KCND3: variants seen among roughly 807,000 people sequenced by gnomAD.
KCND3 encodes the protein potassium voltage-gated channel subfamily D member 3.
In KCND3, 9 loss-of-function variants were observed where a neutral mutation model predicts 51.1. That is an observed-to-expected ratio of 0.18 (90% CI 0.11 to 0.31). KCND3 has a LOEUF of 0.31. Among genes scored for constraint, KCND3 ranks in the 10% least tolerant of loss-of-function variants. The pLI is 1.00. For missense variants in KCND3, 526 were observed against 903.8 expected (o/e 0.58, Z 5.36); for synonymous variants, 349 against 368.0 (o/e 0.95, Z 0.59).
Position 111,833,954 on chromosome 1 carries a change from G to A in KCND3, c.1107-46848C>T, listed in dbSNP as rs180881286. Among the ~76,000 whole-genome samples the A allele has an allele frequency of 1.3e-3, 205 of 152,318 alleles. 1 individual carries two copies. Among genetic ancestry groups the A allele is most frequent in the African/African-American group, 4.8e-3 (201 of 41,572 alleles). ...GGACTGTCCAGGGCCTGGATTCAGG[G>A]CCCAGGGCACACAGGCCAGGAGTAG... On this transcript the variant is annotated intron_variant, in intron 2 of 7. Coordinates refer to ENST00000302127, the MANE Select transcript of KCND3 (RefSeq NM_001378969.1).
At chr1:111,970,162 G>A (rs1234805237) in intron 2 of KCND3, among the ~76,000 whole-genome samples, 18 of 152,080 alleles carry the variant, frequency 1.2e-4, no homozygotes, top group South Asian at 6.2e-4. Flanking sequence ...GATTACAGGC[G>A]CCTGTCACCA....
At chr1:111,965,597 C>T (rs1444252983) in intron 2 of KCND3, among the ~76,000 whole-genome samples, 1 of 152,066 alleles carries the variant, frequency 6.6e-6, no homozygotes, top group Non-Finnish European at 1.5e-5. Context: ...GTGATTTACA[C>T]CCTCCTATAA....
At position 111,872,013 on chromosome 1, in the gene KCND3, G is replaced by A. The variant is rs141028809; in HGVS notation, c.1107-84907C>T. Among the ~76,000 whole-genome samples the A allele has an allele frequency of 1.9e-3, 294 of 152,254 alleles. 7 individuals are homozygous for A. In the East Asian group the frequency reaches 0.046, roughly 24 times the overall value. On this transcript the variant is annotated intron_variant, in intron 2 of 7. Coordinates refer to ENST00000302127, the MANE Select transcript of KCND3 (RefSeq NM_001378969.1). ...TCAAGAGCAAGTTCCGTGGAGCAGCGAAGGCCAAAGGTAGATTAAAAAGAG... is the reference window on the plus strand; with the variant it reads ...TCAAGAGCAAGTTCCGTGGAGCAGCAAAGGCCAAAGGTAGATTAAAAAGAG...
intron 2 of KCND3, among the ~76,000 whole-genome samples, chr1:111,873,202 G>A (rs1200965407): frequency 6.6e-6 from 1 of 152,192 alleles, no homozygotes; most frequent in Admixed American, 6.5e-5. Flanking sequence ...GCCTCGAAAT[G>A]TCTCTGCCCT....
intron 2 of KCND3, among the ~76,000 whole-genome samples, chr1:111,882,363 C>T (rs2101741279): frequency 6.6e-6 from 1 of 152,300 alleles, no homozygotes; most frequent in Middle Eastern, 3.4e-3. Context: ...CCCAGCAGGG[C>T]CCAGTGGCAC....
intron 2 of KCND3, among the ~76,000 whole-genome samples, chr1:111,898,093 G>A (rs1571818560): frequency 1.3e-5 from 2 of 152,140 alleles, no homozygotes; most frequent in African/African-American, 4.8e-5. Flanking sequence ...CCCTACGCAT[G>A]GTCCTTGTCC....
chr1:111,952,092 T>G (rs1673087917), intron 2 of KCND3, among the ~76,000 whole-genome samples: 1 of 152,210 alleles, frequency 6.6e-6, no homozygotes, highest in South Asian at 2.1e-4. Context: ...GATGGTGGAA[T>G]CTTCTGGGAA....
intron 2 of KCND3, among the ~76,000 whole-genome samples, chr1:111,813,633 C>T (rs973023963): frequency 6.6e-6 from 1 of 152,022 alleles, no homozygotes; most frequent in South Asian, 2.1e-4. Context: ...CACACCTGTA[C>T]CAGGTGCGGA....
intron 2 of KCND3, among the ~76,000 whole-genome samples, chr1:111,793,326 T>C (rs959827715): frequency 6.6e-6 from 1 of 151,862 alleles, no homozygotes; most frequent in African/African-American, 2.4e-5. Flanking sequence ...CAGGTGTCCA[T>C]CACCACGCCT....
chr1:111,833,674 C>T (rs886763077), intron 2 of KCND3, among the ~76,000 whole-genome samples: 8 of 152,316 alleles, frequency 5.3e-5, no homozygotes, highest in Admixed American at 2.0e-4. Context: ...TGCCCATATA[C>T]GAAGGCCAGA....
chr1:111,894,917 G>A (rs149126492), intron 2 of KCND3, among the ~76,000 whole-genome samples: 2 of 151,778 alleles, frequency 1.3e-5, no homozygotes, highest in Admixed American at 6.6e-5. Flanking sequence ...AGCAGGAAGA[G>A]GAAAGAGGAG....
intron 2 of KCND3, among the ~76,000 whole-genome samples, chr1:111,793,256 A>G (rs1341822771): frequency 6.6e-6 from 1 of 150,696 alleles, no homozygotes; most frequent in Admixed American, 6.6e-5. Context: ...GCTCACTGCA[A>G]CCTCTGCCTC....
intron 2 of KCND3, among the ~76,000 whole-genome samples, chr1:111,848,643 G>A (rs561826154): frequency 6.6e-6 from 1 of 152,226 alleles, no homozygotes; most frequent in South Asian, 2.1e-4. Flanking sequence ...GGTTACAGGC[G>A]GCATGGTGCG....
Position 111,772,780 on chromosome 1 carries a change from C to G in KCND3, c.*3297G>C, listed in dbSNP as rs1663973812. ...GGTTGGTTGGTTTGTTTTTCCCTCC[C>G]CCTCTTAATGCTGAGTGGGACTGAA... On this transcript the variant is annotated 3_prime_UTR_variant, in exon 8 of 8. Coordinates refer to ENST00000302127, the MANE Select transcript of KCND3 (RefSeq NM_001378969.1). The G allele has an allele frequency of 6.6e-6, 1 of 152,114 alleles. No individual in the cohort carries two copies. Among genetic ancestry groups the G allele is most frequent in the South Asian group, 2.1e-4 (1 of 4,830 alleles). The allele number at this position is 152,114 out of a possible 1,614,324, so 9.4% of individuals were successfully genotyped here.
At chr1:111,894,610 G>A (rs1475014281) in intron 2 of KCND3, among the ~76,000 whole-genome samples, 1 of 152,228 alleles carries the variant, frequency 6.6e-6, no homozygotes, top group Admixed American at 6.5e-5. Flanking sequence ...CGGGAATGAA[G>A]GATGGCAGGC....
chr1:111,800,702 G>C (rs1665267198), intron 2 of KCND3, among the ~76,000 whole-genome samples: 1 of 152,218 alleles, frequency 6.6e-6, no homozygotes, highest in Non-Finnish European at 1.5e-5. Flanking sequence ...AAGTAGAAGG[G>C]CTGAAGCTCA....
rs573232002 is a variant in KCND3, at chr1:111,973,256, A to C, written c.1106+8365T>G. Among the ~76,000 whole-genome samples the C allele has an allele frequency of 7.2e-5, 11 of 152,352 alleles. 1 individual carries two copies. The South Asian group carries it at 2.3e-3, about 32-fold the overall frequency. ...AAATCCAGTTCAGAGTGAAACATTT[A>C]CTTTGTACAACCTCGAAGGCAAGGC... On this transcript the variant is annotated intron_variant, in intron 2 of 7. Coordinates refer to ENST00000302127, the MANE Select transcript of KCND3 (RefSeq NM_001378969.1).
intron 2 of KCND3, among the ~76,000 whole-genome samples, chr1:111,932,437 T>A (rs1672021679): frequency 6.6e-6 from 1 of 152,188 alleles, no homozygotes; most frequent in Non-Finnish European, 1.5e-5. Context: ...ATTAAGTGCA[T>A]TCACACTGCA....
chr1:111,833,672 T>C (rs967218240), intron 2 of KCND3, among the ~76,000 whole-genome samples: 1 of 152,194 alleles, frequency 6.6e-6, no homozygotes, highest in Non-Finnish European at 1.5e-5. Flanking sequence ...GCTGCCCATA[T>C]ACGAAGGCCA....
Sources: allele counts gnomAD v4.1 joint callset (sites outside exome capture counted in the v4.1 genomes callset), GRCh38; gene constraint gnomAD v4.1.1; transcripts MANE v1.5; gene names NCBI Gene and HGNC (gene_info 2026-07-23, HGNC 2026-07-21).